Variants in TK1 observed in about 807,000 individuals in gnomAD.
TK1 encodes thymidine kinase, cytosolic.
TK1 carries 13 observed loss-of-function variants against 22.4 expected under a neutral mutation model. The observed-to-expected ratio is 0.58, with a 90% CI of 0.38 to 0.92. The LOEUF is 0.92. Among genes scored for constraint, TK1 ranks in the 40% least tolerant of loss-of-function variants. The pLI is 0.00. For missense variants in TK1, 251 were observed against 315.7 expected (o/e 0.80, Z 1.55); for synonymous variants, 134 against 125.4 (o/e 1.07, Z -0.46).
intron 4 of TK1, among the ~76,000 whole-genome samples, chr17:78,180,142 T>G (rs2075728298): frequency 6.6e-6 from 1 of 152,196 alleles, no homozygotes; most frequent in Admixed American, 6.5e-5. Flanking sequence ...GTTCTAGTCT[T>G]TGAAAGATCA....
intron 4 of TK1, among the ~76,000 whole-genome samples, chr17:78,176,717 CA>C (rs1440071318): frequency 2.0e-5 from 3 of 152,202 alleles, no homozygotes; most frequent in African/African-American, 4.8e-5. Flanking sequence ...CCACCTGCGC[CA>C]GGGGCGCGCC....
chr17:78,184,026 G>A (rs1244939835), intron 3 of TK1, among the ~76,000 whole-genome samples: 1 of 152,234 alleles, frequency 6.6e-6, no homozygotes, highest in African/African-American at 2.4e-5. Context: ...ACTTCCAACA[G>A]CTGGAACGAA....
chr17:78,179,556 T>A (rs2075724535), intron 4 of TK1: 1 of 985,270 alleles, frequency 1.0e-6, no homozygotes, highest in Non-Finnish European at 1.2e-6. Context: ...CCCGTCAGCC[T>A]CCCCACGGGA....
chr17:78,185,203 G>T, intron 2 of TK1, 38 bp from the exon 3 acceptor site: 1 of 1,537,118 alleles, frequency 6.5e-7, no homozygotes. Flanking sequence ...GTCCACGGCG[G>T]GAGGAGTGGG....
chr17:78,182,472 A>T, intron 4 of TK1, 117 bp downstream of exon 4: 1 of 700,596 alleles, frequency 1.4e-6, no homozygotes, highest in Non-Finnish European at 2.2e-6. Context: ...CACTAGTTGT[A>T]GCTATTTAAC....
Position 78,174,704 on chromosome 17 carries a change from C to T in TK1, c.*55G>A. On this transcript the variant is annotated 3_prime_UTR_variant, in exon 7 of 7. Coordinates refer to ENST00000301634, the MANE Select transcript of TK1 (RefSeq NM_003258.5). ...TGGAGTGGCTGGGCAGCATGCAGGGCAGCGTCCAGTAGGCGGCAGTGGCAG... is the reference window on the plus strand; with the variant it reads ...TGGAGTGGCTGGGCAGCATGCAGGGTAGCGTCCAGTAGGCGGCAGTGGCAG... 1.3e-6 allele frequency: 2 copies of T among 1,512,536 alleles called. No individual in the cohort carries two copies. Among genetic ancestry groups the T allele is most frequent in the Non-Finnish European group, 1.8e-6 (2 of 1,128,914 alleles). 93.7% of individuals were successfully genotyped at this position (1,512,536 alleles called of 1,614,324 possible).
At chr17:78,177,115 G>A (rs1168580489) in intron 4 of TK1, among the ~76,000 whole-genome samples, 1 of 152,084 alleles carries the variant, frequency 6.6e-6, no homozygotes, top group African/African-American at 2.4e-5. Flanking sequence ...TTCCCCACCC[G>A]TCCAGCACTT....
chr17:78,176,920 G>A (rs989338852), intron 4 of TK1, among the ~76,000 whole-genome samples: 1 of 152,314 alleles, frequency 6.6e-6, no homozygotes, highest in East Asian at 1.9e-4. Flanking sequence ...GGAATGGAGA[G>A]GGGAAGAACC....
intron 4 of TK1, among the ~76,000 whole-genome samples, chr17:78,181,938 G>A (rs1282861217): frequency 3.3e-5 from 5 of 150,794 alleles, no homozygotes; most frequent in African/African-American, 1.2e-4. Flanking sequence ...TTTTTTTTTG[G>A]TAGAGATGGG....
chr17:78,176,161 T>C (rs1598964694), intron 4 of TK1, among the ~76,000 whole-genome samples: 1 of 152,026 alleles, frequency 6.6e-6, no homozygotes, highest in Admixed American at 6.6e-5. Context: ...GGGGCGGGGG[T>C]CCTACTGGCC....
chr17:78,182,203 C>G (rs1053314859), intron 4 of TK1, among the ~76,000 whole-genome samples: 3 of 151,740 alleles, frequency 2.0e-5, no homozygotes, highest in African/African-American at 7.3e-5. Context: ...GGAGAAACCC[C>G]ATCTCTACTA....
chr17:78,186,675 G>GAGGGGAGGGA, intron 2 of TK1, 112 bp downstream of exon 2: 1 of 885,992 alleles, frequency 1.1e-6, no homozygotes, highest in South Asian at 1.8e-5. Context: ...AAGGGAAGGG[G>GAGGGGAGGGA]AGGGAAGGGA....
chr17:78,187,073 C>T, upstream of TK1: 1 of 1,459,036 alleles, frequency 6.9e-7, no homozygotes, highest in Non-Finnish European at 9.5e-7. Flanking sequence ...GCGCCGACCG[C>T]TTTAAACCAC....
At chr17:78,175,818 CT>C (rs2075695436) in intron 4 of TK1, among the ~76,000 whole-genome samples, 200 bp from the exon 5 acceptor site, 1 of 152,170 alleles carries the variant, frequency 6.6e-6, no homozygotes, top group African/African-American at 2.4e-5. Flanking sequence ...ACATCCACAA[CT>C]GCGCAGCCCC....
At chr17:78,179,170 C>A in intron 4 of TK1, 1 of 985,344 alleles carries the variant, frequency 1.0e-6, no homozygotes, top group East Asian at 1.1e-4. Context: ...CAACTCACAG[C>A]GGCAGGTCTG....
At chr17:78,177,321 A>G (rs559482809) in intron 4 of TK1, among the ~76,000 whole-genome samples, 2 of 152,256 alleles carry the variant, frequency 1.3e-5, no homozygotes, top group South Asian at 2.1e-4. Context: ...GACAGGTCAC[A>G]GTCAAAAACT....
At chr17:78,179,451 G>A (rs541597494) in intron 4 of TK1, 14 of 985,468 alleles carry the variant, frequency 1.4e-5, no homozygotes, top group South Asian at 9.4e-5. Flanking sequence ...ATACCCAAGC[G>A]GGGAGGAGAT....
chr17:78,180,797 G>A (rs1480948227), intron 4 of TK1, among the ~76,000 whole-genome samples: 5 of 152,110 alleles, frequency 3.3e-5, no homozygotes, highest in African/African-American at 7.2e-5. Context: ...GAAATGAAAA[G>A]GCACACCAGC....
chr17:78,175,244 A>T, intron 5 of TK1, 75 bp from the exon 6 acceptor site: 1 of 1,433,652 alleles, frequency 7.0e-7, no homozygotes, highest in Non-Finnish European at 9.2e-7. Context: ...CCTCTGATTC[A>T]CAAGCACTGA....
Sources: allele counts gnomAD v4.1 joint callset (sites outside exome capture counted in the v4.1 genomes callset), GRCh38; gene constraint gnomAD v4.1.1; transcripts MANE v1.5; gene names NCBI Gene and HGNC (gene_info 2026-07-23, HGNC 2026-07-21).